PDE4DIP: variants seen among roughly 807,000 people sequenced by gnomAD.
The protein encoded by PDE4DIP is myomegalin.
PDE4DIP carries 59 observed loss-of-function variants against 221.4 expected under a neutral mutation model. The observed-to-expected ratio is 0.27, with a 90% CI of 0.22 to 0.33. PDE4DIP has a LOEUF of 0.33. Among genes scored for constraint, PDE4DIP ranks in the 10% least tolerant of loss-of-function variants. The probability of loss-of-function intolerance (pLI) is 1.00; values close to 1 mark genes in which losing one functional copy is unlikely to be tolerated. For missense variants in PDE4DIP, 1,036 were observed against 2,154.2 expected (o/e 0.48, Z 10.28); for synonymous variants, 404 against 815.9 (o/e 0.50, Z 8.60).
chr1:148,947,110 T>C (rs1470082771), intron 5 of PDE4DIP, among the ~76,000 whole-genome samples: 1 of 152,310 alleles, frequency 6.6e-6, no homozygotes, highest in Non-Finnish European at 1.5e-5. Context: ...AAAAGGTATG[T>C]TTGCATTCTT....
intron 5 of PDE4DIP, among the ~76,000 whole-genome samples, chr1:148,954,835 T>G (rs1485416550): frequency 3.3e-5 from 5 of 152,208 alleles, no homozygotes; most frequent in Non-Finnish European, 7.3e-5. Context: ...TGATACAACT[T>G]ATTTAACAAT....
chr1:148,952,062 G>A (rs1187850902), intron 5 of PDE4DIP: 4 of 1,012,650 alleles, frequency 4.0e-6, no homozygotes, highest in African/African-American at 1.7e-5. Flanking sequence ...CGAGAATGCA[G>A]GGAGGGGATT....
Position 149,000,566 on chromosome 1 carries a change from T to A in PDE4DIP, c.3138-1025T>A, listed in dbSNP as rs143415024. The stretch of plus-strand genomic sequence containing the variant: ...GAGACTCTGTCTCAAAAAAAAAAAA[T>A]AAATAAATAAAAATTAAAAAATCAC... On this transcript the variant is annotated intron_variant, in intron 23 of 43. Coordinates refer to ENST00000369354, the Ensembl canonical transcript of PDE4DIP. Among the ~76,000 whole-genome samples, 146 of 143,572 alleles carry A rather than the reference T, an allele frequency of 1.0e-3. 2 individuals carry two copies. The highest frequency in any genetic ancestry group is 2.6e-3 in the African/African-American group (92 of 35,260). 94.2% of individuals were successfully genotyped at this position (143,572 alleles called of 152,430 possible). A position where few individuals can be genotyped will look rare whatever the true frequency, so the allele number is the denominator to read the frequency against.
chr1:149,031,533 G>A (rs1626433), intron 43 of PDE4DIP, among the ~76,000 whole-genome samples: 15 of 151,610 alleles, frequency 9.9e-5, no homozygotes, highest in African/African-American at 3.4e-4. Flanking sequence ...TTAACAGAGG[G>A]CTTCCCAGCA....
At chr1:148,932,887 A>G (rs1553472007) in intron 4 of PDE4DIP, among the ~76,000 whole-genome samples, 1 of 152,208 alleles carries the variant, frequency 6.6e-6, no homozygotes, top group Non-Finnish European at 1.5e-5. Flanking sequence ...TGGAGCCCTC[A>G]TAAATGGGAT....
In PDE4DIP at chr1:149,028,511, A is replaced by T. The variant is rs587697910; in HGVS notation, c.6670-49A>T. 3.8e-6 allele frequency: 6 copies of T among 1,573,620 alleles called. No homozygotes were observed. In the African/African-American group the frequency reaches 5.4e-5, roughly 14 times the overall value. On this transcript the variant is annotated intron_variant, in intron 40 of 43. Transcript: ENST00000369354. Reference sequence around the variant, plus strand: ...TCACAAAGGAAGCTTGAGCCCATGCAGGGGGAAGAAAGTAATCTCTCCGCT... The same window carrying T: ...TCACAAAGGAAGCTTGAGCCCATGCTGGGGGAAGAAAGTAATCTCTCCGCT...
chr1:148,877,041 T>A (rs1472066403), intron 3 of PDE4DIP, among the ~76,000 whole-genome samples: 2 of 145,992 alleles, frequency 1.4e-5, no homozygotes, highest in East Asian at 3.9e-4. Flanking sequence ...AAAATGTATG[T>A]TCAAGGATGA....
exon 27 of PDE4DIP, chr1:149,005,263 A>G (rs782431035): frequency 6.3e-7 from 1 of 1,597,952 alleles, no homozygotes; most frequent in African/African-American, 1.3e-5. Flanking sequence ...AGTGTCCCTG[A>G]TGAGGATGAG....
intron 4 of PDE4DIP, among the ~76,000 whole-genome samples, chr1:148,934,989 C>T (rs192333766): frequency 2.0e-5 from 3 of 151,798 alleles, no homozygotes; most frequent in African/African-American, 4.8e-5. Flanking sequence ...TTTGGGAGGC[C>T]GAGGCGGGCG....
chr1:148,941,708 A>G (rs2050582744), intron 5 of PDE4DIP: 1 of 136,410 alleles, frequency 7.3e-6, no homozygotes, highest in Non-Finnish European at 1.6e-5. Context: ...CTGCATAGGT[A>G]ATGTATGGTG....
At chr1:148,826,534 T>C (rs1670568500) in intron 1 of PDE4DIP, among the ~76,000 whole-genome samples, 1 of 87,938 alleles carries the variant, frequency 1.1e-5, no homozygotes, top group African/African-American at 4.5e-5. Context: ...TCAAGCCACT[T>C]TCCTACCTCA....
chr1:148,965,072 T>C (rs1482948344), intron 9 of PDE4DIP, among the ~76,000 whole-genome samples: 1 of 151,978 alleles, frequency 6.6e-6, no homozygotes, highest in Non-Finnish European at 1.5e-5. Context: ...ATTTAAAGAT[T>C]ACTGACTTTA....
intron 32 of PDE4DIP, among the ~76,000 whole-genome samples, chr1:149,014,823 A>T (rs1575405373): frequency 6.6e-6 from 1 of 151,906 alleles, no homozygotes; most frequent in South Asian, 2.1e-4. Flanking sequence ...TCTGTATGGT[A>T]TCTTTGCATG....
chr1:148,952,406 G>C lies in PDE4DIP; in HGVS notation c.637-8248G>C, dbSNP rs3010971. On this transcript the variant is annotated intron_variant, in intron 5 of 43. Coordinates refer to ENST00000369354, the Ensembl canonical transcript of PDE4DIP. The stretch of plus-strand genomic sequence containing the variant: ...CATCCCCGAGGCTTTGCGTCTGCGC[G>C]GCCGGCCGCTGCTGCTCCGGGAGCC... The C allele has an allele frequency of 1.2e-3, 1,323 of 1,083,144 alleles. 36 individuals carry two copies. In the South Asian group the frequency reaches 0.047, roughly 39 times the overall value. The allele number at this position is 1,083,144 out of a possible 1,614,324, so 67.1% of individuals were successfully genotyped here.
At chr1:149,006,277 T>C (rs1252627356) in intron 27 of PDE4DIP, 7 of 152,208 alleles carry the variant, frequency 4.6e-5, no homozygotes, top group African/African-American at 1.7e-4. Flanking sequence ...GTCCTGGTTA[T>C]CTATTGCTAA....
chr1:148,925,604 T>G (rs1553465277), intron 1 of PDE4DIP, among the ~76,000 whole-genome samples: 1 of 151,644 alleles, frequency 6.6e-6, no homozygotes, highest in Admixed American at 6.6e-5. Context: ...TTCTTCCTTT[T>G]AGATCTAAGT....
exon 23 of PDE4DIP, chr1:148,998,246 A>T: frequency 1.3e-6 from 2 of 1,598,550 alleles, no homozygotes; most frequent in Non-Finnish European, 1.7e-6. Context: ...AGGTGTCTTC[A>T]GGAAGAAATG....
chr1:148,990,426 C>T (rs1559177837), intron 21 of PDE4DIP: 3 of 823,178 alleles, frequency 3.6e-6, no homozygotes, highest in Non-Finnish European at 4.4e-6. Flanking sequence ...AGTGAATGCT[C>T]ATGATTCAAG....
In PDE4DIP at chr1:148,837,554, C is replaced by CA. The variant is rs71582781; in HGVS notation, c.234-25690dup. Among the ~76,000 whole-genome samples the CA allele has an allele frequency of 2.5e-5, 3 of 121,690 alleles. 1 individual carries two copies. Among genetic ancestry groups the CA allele is most frequent in the African/African-American group, 1.0e-4 (3 of 30,080 alleles). 79.8% of individuals were successfully genotyped at this position (121,690 alleles called of 152,430 possible). A position where few individuals can be genotyped will look rare whatever the true frequency, so the allele number is the denominator to read the frequency against. ...TTCTACCTCTGAATAAGAGAAGTAG[C>CA]AAAAAATTTGTAGCCATCTTGAATC... is the stretch of plus-strand genomic sequence containing the variant. On this transcript the variant is annotated intron_variant, in intron 1 of 45. Transcript: ENST00000524974.
Sources: allele counts gnomAD v4.1 joint callset (sites outside exome capture counted in the v4.1 genomes callset), GRCh38; gene constraint gnomAD v4.1.1; transcripts MANE v1.5; gene names NCBI Gene and HGNC (gene_info 2026-07-23, HGNC 2026-07-21).